RGS7: variants seen among roughly 807,000 people sequenced by gnomAD.
The protein encoded by RGS7 is regulator of G-protein signaling 7.
Under a neutral mutation model 81.1 loss-of-function variants are expected in RGS7, and 27 were observed. The ratio of observed to expected loss-of-function variants is 0.33; its 90% CI spans 0.25 to 0.46. The LOEUF (loss-of-function observed/expected upper bound fraction) is 0.46, where lower values mean the gene tolerates loss of function less well. RGS7 is among the 20% of genes least tolerant of loss of function. The probability of loss-of-function intolerance (pLI) is 1.00; values close to 1 mark genes in which losing one functional copy is unlikely to be tolerated. For missense variants in RGS7, 396 were observed against 607.4 expected (o/e 0.65, Z 3.66); for synonymous variants, 208 against 207.7 (o/e 1.00, Z -0.01).
chr1:240,951,102 C>A (rs1413547150), intron 4 of RGS7, among the ~76,000 whole-genome samples: 1 of 151,850 alleles, frequency 6.6e-6, no homozygotes, highest in African/African-American at 2.4e-5. Flanking sequence ...TTTTTATTTG[C>A]GGAGATGGGG....
chr1:241,002,999 C>G lies in RGS7; in HGVS notation c.176-19870G>C, dbSNP rs372698257. 9.8e-5 allele frequency among the ~76,000 whole-genome samples: 15 copies of G among 152,296 alleles called. No homozygotes were observed. In the East Asian group the frequency reaches 2.7e-3, roughly 27 times the overall value. On this transcript the variant is annotated intron_variant, in intron 3 of 18. Transcript: ENST00000440928. ...CACTTGTTAGTTTCTTTGTAGGATA[C>G]TTTTACAATACTTATAAATTTATAG... is the stretch of plus-strand genomic sequence containing the variant.
chr1:240,776,819 CCT>C (rs983551724), intron 18 of RGS7, among the ~76,000 whole-genome samples: 2 of 152,102 alleles, frequency 1.3e-5, no homozygotes, highest in Non-Finnish European at 2.9e-5. Context: ...CTACTTGTTC[CCT>C]GTTTCTAGCT....
At chr1:241,180,451 T>C (rs2071523330) in intron 2 of RGS7, among the ~76,000 whole-genome samples, 1 of 151,826 alleles carries the variant, frequency 6.6e-6, no homozygotes, top group South Asian at 2.1e-4. Context: ...TAACATAAAG[T>C]ATGTGTGTGT....
chr1:241,186,654 G>C (rs2072145692), intron 2 of RGS7, among the ~76,000 whole-genome samples: 1 of 151,214 alleles, frequency 6.6e-6, no homozygotes, highest in Admixed American at 6.6e-5. Context: ...CTCCCAAGTA[G>C]CTGGGATTAC....
At chr1:241,048,954 C>T (rs2061098821) in intron 3 of RGS7, among the ~76,000 whole-genome samples, 1 of 152,200 alleles carries the variant, frequency 6.6e-6, no homozygotes, top group African/African-American at 2.4e-5. Flanking sequence ...TGACACTCCT[C>T]GGCTTGCAGC....
At chr1:241,060,817 A>T (rs989236974) in intron 3 of RGS7, among the ~76,000 whole-genome samples, 1 of 152,240 alleles carries the variant, frequency 6.6e-6, no homozygotes, top group African/African-American at 2.4e-5. Context: ...ATAAACCTTA[A>T]AACAAAGCTT....
intron 2 of RGS7, among the ~76,000 whole-genome samples, chr1:241,111,044 A>T (rs2065480090): frequency 6.6e-6 from 1 of 152,148 alleles, no homozygotes; most frequent in South Asian, 2.1e-4. Flanking sequence ...ACCTCCACGG[A>T]GTATAATAGA....
At chr1:240,893,130 C>T (rs1490499111) in intron 6 of RGS7, among the ~76,000 whole-genome samples, 1 of 152,142 alleles carries the variant, frequency 6.6e-6, no homozygotes, top group Non-Finnish European at 1.5e-5. Context: ...AGACAGCTGA[C>T]TGACCCAGTC....
At chr1:240,849,996 A>T (rs1297874062) in intron 9 of RGS7, among the ~76,000 whole-genome samples, 2 of 152,216 alleles carry the variant, frequency 1.3e-5, no homozygotes, top group Admixed American at 1.3e-4. Context: ...TGTGATAAAG[A>T]GTATGGGTCC....
chr1:241,200,690 C>T (rs2073436763), intron 2 of RGS7, among the ~76,000 whole-genome samples: 1 of 152,224 alleles, frequency 6.6e-6, no homozygotes, highest in South Asian at 2.1e-4. Context: ...AGCTCCCTCT[C>T]CTTTAGCTTC....
At chr1:241,105,619 A>C (rs2102921941) in intron 2 of RGS7, among the ~76,000 whole-genome samples, 1 of 152,322 alleles carries the variant, frequency 6.6e-6, no homozygotes, top group Middle Eastern at 3.4e-3. Flanking sequence ...AATGTTCTAA[A>C]CAATTATGGG....
intron 6 of RGS7, among the ~76,000 whole-genome samples, chr1:240,872,236 C>T (rs559483252): frequency 5.9e-5 from 9 of 152,226 alleles, no homozygotes; most frequent in East Asian, 1.9e-4. Context: ...GGAGCTATTT[C>T]GAGGTCAAAT....
chr1:241,159,280 A>T (rs531584389), intron 2 of RGS7, among the ~76,000 whole-genome samples: 53 of 152,080 alleles, frequency 3.5e-4, no homozygotes, highest in African/African-American at 1.2e-3. Flanking sequence ...ACCCAATTTC[A>T]CTGTATCTCA....
chr1:241,003,954 G>A (rs770786366), intron 3 of RGS7, among the ~76,000 whole-genome samples: 1 of 152,110 alleles, frequency 6.6e-6, no homozygotes, highest in Non-Finnish European at 1.5e-5. Context: ...CACCATGTTG[G>A]TCAGGCTGGT....
intron 2 of RGS7, among the ~76,000 whole-genome samples, chr1:241,194,053 C>T (rs1175673370): frequency 6.6e-6 from 1 of 152,168 alleles, no homozygotes; most frequent in Admixed American, 6.5e-5. Context: ...ATCTCTAGTT[C>T]TGGATGAACA....
intron 2 of RGS7, among the ~76,000 whole-genome samples, chr1:241,227,147 A>G (rs1258379013): frequency 6.6e-6 from 1 of 152,200 alleles, no homozygotes; most frequent in Non-Finnish European, 1.5e-5. Context: ...ACCATAGCAA[A>G]ATAAGACCCT....
intron 2 of RGS7, among the ~76,000 whole-genome samples, chr1:241,199,061 A>G (rs1410652209): frequency 6.6e-6 from 1 of 152,226 alleles, no homozygotes; most frequent in African/African-American, 2.4e-5. Flanking sequence ...CACCATATGA[A>G]GAGAATAAAA....
In RGS7 at chr1:240,960,217, C is replaced by CTTCTTTTT. The variant is rs60911948; in HGVS notation, c.226+22861_226+22862insAAAAAGAA. On this transcript the variant is annotated intron_variant, in intron 4 of 18. Coordinates refer to ENST00000440928, the MANE Select transcript of RGS7 (RefSeq NM_001364886.1). ...TTTTCTTCTTCTTCCTCTTCTTCTT[C>CTTCTTTTT]TTTTTTTTTTTTTTTTTGTTGTTGT... is the stretch of plus-strand genomic sequence containing the variant. Among the ~76,000 whole-genome samples the CTTCTTTTT allele has an allele frequency of 3.5e-3, 31 of 8,950 alleles. 1 individual carries two copies. The highest frequency in any genetic ancestry group is 6.8e-3 in the African/African-American group (18 of 2,660). The allele number at this position is 8,950 out of a possible 152,430, so 5.9% of individuals were successfully genotyped here. A position where few individuals can be genotyped will look rare whatever the true frequency, so the allele number is the denominator to read the frequency against.
intron 2 of RGS7, among the ~76,000 whole-genome samples, chr1:241,249,021 T>C (rs1170965719): frequency 6.6e-6 from 1 of 152,200 alleles, no homozygotes; most frequent in African/African-American, 2.4e-5. Context: ...TACAAGTGCT[T>C]TGTTGGATAT....
Sources: allele counts gnomAD v4.1 joint callset (sites outside exome capture counted in the v4.1 genomes callset), GRCh38; gene constraint gnomAD v4.1.1; transcripts MANE v1.5; gene names NCBI Gene and HGNC (gene_info 2026-07-23, HGNC 2026-07-21).